PANK1: variants seen among roughly 807,000 people sequenced by gnomAD.
The protein encoded by PANK1 is pantothenate kinase 1, also known as pantothenic acid kinase 1.
A neutral mutation model predicts 40.1 loss-of-function variants in PANK1; 18 were observed. The ratio of observed to expected loss-of-function variants is 0.45; its 90% CI spans 0.31 to 0.67. The LOEUF is 0.67. Among genes scored for constraint, PANK1 ranks in the 30% least tolerant of loss-of-function variants. The probability of loss-of-function intolerance (pLI) is 0.06; values close to 1 mark genes in which losing one functional copy is unlikely to be tolerated. For missense variants in PANK1, 457 were observed against 599.6 expected (o/e 0.76, Z 2.48); for synonymous variants, 242 against 237.7 (o/e 1.02, Z -0.17).
At chr10:89,606,808 G>A (rs1483808661) in intron 2 of PANK1, among the ~76,000 whole-genome samples, 2 of 152,200 alleles carry the variant, frequency 1.3e-5, no homozygotes, top group Non-Finnish European at 1.5e-5. Flanking sequence ...ACAGGCATGA[G>A]CCACAGGACC....
intron 1 of PANK1, chr10:89,613,852 G>A: frequency 5.0e-6 from 2 of 399,622 alleles, no homozygotes; most frequent in Non-Finnish European, 9.9e-6. Context: ...GTTGTAATAG[G>A]TAAAGCCCCA....
At chr10:89,644,532 G>A in intron 1 of PANK1, 68 bp downstream of exon 1, 2 of 1,415,910 alleles carry the variant, frequency 1.4e-6, no homozygotes, top group Non-Finnish European at 1.9e-6. Context: ...TGCCTCAGCC[G>A]CTCCCAGTCC....
At chr10:89,639,267 C>A in intron 1 of PANK1, 1 of 444,376 alleles carries the variant, frequency 2.3e-6, no homozygotes, top group Admixed American at 2.4e-5. Flanking sequence ...AGAGATTGAA[C>A]TTGCAGCCTC....
In PANK1 at chr10:89,583,015, C is replaced by T. The variant is rs1240168371; in HGVS notation, c.*1391G>A. ...ACAACAGAAACAGGCTTTATTTCAA[C>T]CAGACAAGTGAATTCTTCAATTAAC... On this transcript the variant is annotated 3_prime_UTR_variant, in exon 7 of 7. Transcript: ENST00000307534. The T allele has an allele frequency of 6.6e-6, 1 of 152,134 alleles. No individual in the cohort carries two copies. Among genetic ancestry groups the T allele is most frequent in the Non-Finnish European group, 1.5e-5 (1 of 68,006 alleles). The allele number at this position is 152,134 out of a possible 1,614,324, so 9.4% of individuals were successfully genotyped here. A position where few individuals can be genotyped will look rare whatever the true frequency, so the allele number is the denominator to read the frequency against.
chr10:89,611,788 G>C lies in PANK1; in HGVS notation c.553C>G (p.Gln185Glu). Residue 185 changes from glutamine to glutamate, a missense_variant, in exon 2 of 7, where the codon CAG (glutamine) becomes GAG (glutamate). Gln to Glu is a conservative substitution (Grantham distance 29). Transcript: ENST00000307534. Reference protein sequence around the residue: ...FPSCAMHRFIQMGSEKNFSSL... With the variant: ...FPSCAMHRFIEMGSEKNFSSL... The stretch of plus-strand genomic sequence containing the variant: ...GAGAAGTTCTTCTCGCTGCCCATCT[G>C]AATGAACCTGTGCATAGCACAGCTG... The C allele has an allele frequency of 6.2e-7, 1 of 1,614,218 alleles. No homozygotes were observed. Among genetic ancestry groups the C allele is most frequent in the South Asian group, 1.1e-5 (1 of 91,078 alleles).
intron 1 of PANK1, chr10:89,625,633 G>A (rs1159588200): frequency 6.6e-6 from 1 of 152,018 alleles, no homozygotes; most frequent in Non-Finnish European, 1.5e-5. Context: ...TGCAACCCAC[G>A]CGGCTGACCT....
chr10:89,590,456 T>C (rs1187309854), intron 5 of PANK1, among the ~76,000 whole-genome samples: 3 of 152,160 alleles, frequency 2.0e-5, no homozygotes, highest in African/African-American at 7.2e-5. Context: ...TTGGTGGGAA[T>C]GTAAATTAGA....
intron 1 of PANK1, among the ~76,000 whole-genome samples, chr10:89,636,345 TA>T (rs1487335499): frequency 6.6e-6 from 1 of 151,110 alleles, no homozygotes; most frequent in African/African-American, 2.4e-5. Flanking sequence ...TTATTATTTT[TA>T]ATTTTTATTT....
At chr10:89,598,149 C>T (rs1297320967) in intron 3 of PANK1, among the ~76,000 whole-genome samples, 5 of 152,088 alleles carry the variant, frequency 3.3e-5, no homozygotes, top group South Asian at 2.1e-4. Context: ...GTTGTAACAA[C>T]CAAAGAAAAA....
chr10:89,628,744 G>A (rs1841547148), intron 1 of PANK1, among the ~76,000 whole-genome samples: 1 of 145,260 alleles, frequency 6.9e-6, no homozygotes. Context: ...AGTTCTTAAA[G>A]ATAATCTTTC....
At chr10:89,613,989 C>T (rs184993132) in intron 1 of PANK1, 214 of 456,592 alleles carry the variant, frequency 4.7e-4, no homozygotes, top group Non-Finnish European at 7.6e-4. Context: ...AAAATTATCT[C>T]GAATTTCTTC....
Position 89,593,286 on chromosome 10 carries a change from A to C in PANK1, c.1111T>G (p.Ser371Ala). The change falls in exon 5 of 7, where the codon TCC becomes GCC. Residue 371 changes from serine to alanine, a missense_variant. Ser to Ala is a moderately conservative substitution (Grantham distance 99). Transcript: ENST00000307534. ...GNMMSKEKRDSISKEDLARAT... is the reference protein window; with the variant it reads ...GNMMSKEKRDAISKEDLARAT... ...CGGGCGAGGTCTTCCTTGCTGATGG[A>C]ATCTCGCTTTTCTTTACTCATCATG... The C allele has an allele frequency of 6.2e-7, 1 of 1,613,760 alleles. No homozygotes were observed. The highest frequency in any genetic ancestry group is 8.5e-7 in the Non-Finnish European group (1 of 1,179,760).
chr10:89,592,797 G>A (rs1844439571), intron 5 of PANK1: 1 of 536,000 alleles, frequency 1.9e-6, no homozygotes, highest in South Asian at 1.4e-5. Context: ...ATGCCACAAG[G>A]CAACACTGTA....
chr10:89,621,902 C>T (rs945872889), intron 1 of PANK1, among the ~76,000 whole-genome samples: 19 of 152,124 alleles, frequency 1.2e-4, no homozygotes, highest in Admixed American at 8.5e-4. Flanking sequence ...TTAGTAGAGA[C>T]GGGATTTTGC....
In PANK1 at chr10:89,642,873, A is replaced by G. The variant is rs140395698; in HGVS notation, c.292+1727T>C. On this transcript the variant is annotated intron_variant, in intron 1 of 6. Coordinates refer to ENST00000307534, the MANE Select transcript of PANK1 (RefSeq NM_148977.3). ...CGTTTTTTAAAAATTATAAGTAACA[A>G]TCGTGGTCATGAAACTTAAAACAAC... 6.2e-4 allele frequency among the ~76,000 whole-genome samples: 94 copies of G among 152,336 alleles called. 1 individual carries two copies. The East Asian group carries it at 0.017, about 27-fold the overall frequency.
intron 6 of PANK1, among the ~76,000 whole-genome samples, chr10:89,586,326 G>A (rs1844194455): frequency 6.6e-6 from 1 of 151,970 alleles, no homozygotes; most frequent in Non-Finnish European, 1.5e-5. Context: ...TTTTTTAAAG[G>A]CTGAGATGTT....
intron 5 of PANK1, 81 bp downstream of exon 5, chr10:89,593,116 G>T: frequency 1.5e-6 from 2 of 1,365,764 alleles, no homozygotes; most frequent in Non-Finnish European, 2.1e-6. Flanking sequence ...ATGTAGTTGT[G>T]TAAGAGTCAA....
chr10:89,584,253 G>T lies in PANK1; in HGVS notation c.*153C>A. On this transcript the variant is annotated 3_prime_UTR_variant, in exon 7 of 7. Coordinates refer to ENST00000307534, the MANE Select transcript of PANK1 (RefSeq NM_148977.3). ...ATTAGCTCAAAACCTAAGAGTAAAAGATCATCTGGAAGGATTTTAAATTAT... is the reference window on the plus strand; with the variant it reads ...ATTAGCTCAAAACCTAAGAGTAAAATATCATCTGGAAGGATTTTAAATTAT... 1 of 604,934 alleles carries T rather than the reference G, an allele frequency of 1.7e-6. No homozygotes were observed. The allele number at this position is 604,934 out of a possible 1,614,324, so 37.5% of individuals were successfully genotyped here.
At position 89,583,156 on chromosome 10, in the gene PANK1, A is replaced by C. The variant is rs1589749883; in HGVS notation, c.*1250T>G. ...TCCTTCAAAAATCCCTTTCAACAAT[A>C]AGCTCAATACACAAGATCATGGGAT... is the stretch of plus-strand genomic sequence containing the variant. On this transcript the variant is annotated 3_prime_UTR_variant, in exon 7 of 7. Coordinates refer to ENST00000307534, the MANE Select transcript of PANK1 (RefSeq NM_148977.3). The C allele has an allele frequency of 6.6e-6, 1 of 152,242 alleles. No homozygotes were observed. The highest frequency in any genetic ancestry group is 1.9e-4 in the East Asian group (1 of 5,182). The allele number at this position is 152,242 out of a possible 1,614,324, so 9.4% of individuals were successfully genotyped here.
Sources: allele counts gnomAD v4.1 joint callset (sites outside exome capture counted in the v4.1 genomes callset), GRCh38; gene constraint gnomAD v4.1.1; transcripts MANE v1.5; gene names NCBI Gene and HGNC (gene_info 2026-07-23, HGNC 2026-07-21).